The following SMCHD1 variants were observed in gnomAD, a reference collection of about 807,000 sequenced individuals.
SMCHD1 encodes structural maintenance of chromosomes flexible hinge domain-containing protein 1.
In SMCHD1, 78 loss-of-function variants were observed where a neutral mutation model predicts 254.7. That is an observed-to-expected ratio of 0.31 (90% CI 0.26 to 0.37). The LOEUF is 0.37. SMCHD1 is among the 10% of genes least tolerant of loss of function. The pLI is 1.00. For missense variants in SMCHD1, 1,840 were observed against 2,408.1 expected (o/e 0.76, Z 4.94); for synonymous variants, 766 against 794.9 (o/e 0.96, Z 0.61).
chr18:2,726,423 G>A (rs1478623714), intron 21 of SMCHD1, 29 bp from the exon 22 acceptor site: 19 of 1,294,648 alleles, frequency 1.5e-5, no homozygotes, highest in Non-Finnish European at 2.0e-5. Context: ...TCAGGACTGG[G>A]TTTAATTTTT....
At chr18:2,695,773 G>T (rs2074273754) in intron 8 of SMCHD1, among the ~76,000 whole-genome samples, 1 of 152,058 alleles carries the variant, frequency 6.6e-6, no homozygotes, top group East Asian at 1.9e-4. Context: ...TATTGTTCTT[G>T]AGAGTCTCAA....
intron 1 of SMCHD1, 143 bp downstream of exon 1, chr18:2,656,404 C>G (rs543052183): frequency 2.6e-5 from 21 of 804,672 alleles, no homozygotes; most frequent in Non-Finnish European, 3.4e-5. Flanking sequence ...CGTGTGCCCG[C>G]CATGTCCGTG....
chr18:2,687,931 C>T (rs772207381), intron 5 of SMCHD1, among the ~76,000 whole-genome samples: 3 of 152,124 alleles, frequency 2.0e-5, no homozygotes, highest in Non-Finnish European at 4.4e-5. Flanking sequence ...ACCAGTGATG[C>T]CTCTTCTTCA....
chr18:2,791,507 A>G (rs898781981), intron 45 of SMCHD1, among the ~76,000 whole-genome samples: 22 of 152,178 alleles, frequency 1.4e-4, no homozygotes, highest in Non-Finnish European at 5.9e-5. Context: ...TTGAGCTACT[A>G]CTGCATTCCA....
chr18:2,781,063 T>C (rs565122481), intron 44 of SMCHD1, among the ~76,000 whole-genome samples: 2 of 152,314 alleles, frequency 1.3e-5, no homozygotes, highest in Admixed American at 1.3e-4. Context: ...ACTTAAGCAT[T>C]GATTTTTCAC....
chr18:2,721,603 T>C (rs1038310540), intron 19 of SMCHD1, among the ~76,000 whole-genome samples: 6 of 152,200 alleles, frequency 3.9e-5, no homozygotes, highest in African/African-American at 1.4e-4. Context: ...AGAATCTCTT[T>C]AGGGTGATAC....
At chr18:2,787,925 A>T (rs1332445333) in intron 45 of SMCHD1, among the ~76,000 whole-genome samples, 1 of 152,260 alleles carries the variant, frequency 6.6e-6, no homozygotes, top group African/African-American at 2.4e-5. Flanking sequence ...AGACAAAGTC[A>T]AAGATAACTC....
At chr18:2,792,199 G>C (rs1307686553) in intron 45 of SMCHD1, among the ~76,000 whole-genome samples, 1 of 152,164 alleles carries the variant, frequency 6.6e-6, no homozygotes, top group Non-Finnish European at 1.5e-5. Flanking sequence ...GTCAAAAACA[G>C]ATTGTATGTA....
intron 3 of SMCHD1, among the ~76,000 whole-genome samples, chr18:2,672,276 G>A (rs918510729): frequency 2.6e-5 from 4 of 152,094 alleles, no homozygotes; most frequent in Admixed American, 1.3e-4. Flanking sequence ...GCCCAGGCTG[G>A]AGTGCAGTGG....
intron 25 of SMCHD1, among the ~76,000 whole-genome samples, chr18:2,735,521 G>A (rs962795671): frequency 7.2e-5 from 11 of 152,236 alleles, no homozygotes; most frequent in Admixed American, 6.5e-4. Flanking sequence ...TCTATACCTA[G>A]AAAACACTAA....
chr18:2,726,706 T>C lies in SMCHD1; in HGVS notation c.2773+182T>C, dbSNP rs555659286. On this transcript the variant is annotated intron_variant, in intron 22 of 47. Coordinates refer to ENST00000320876, the MANE Select transcript of SMCHD1 (RefSeq NM_015295.3). ...TTAAAAAGGAAAACATTTAGGAAGA[T>C]GTTATTGACATTCTGAATATAACCT... 1.2e-3 allele frequency: 356 copies of C among 304,594 alleles called. 1 individual carries two copies. Among genetic ancestry groups the C allele is most frequent in the African/African-American group, 7.1e-3 (323 of 45,394 alleles). The allele number at this position is 304,594 out of a possible 1,614,324, so 18.9% of individuals were successfully genotyped here.
intron 29 of SMCHD1, among the ~76,000 whole-genome samples, chr18:2,745,187 T>TTATTTTAAAAAATTAAAAAAAA (rs1245175690): frequency 1.4e-3 from 131 of 94,258 alleles, no homozygotes; most frequent in African/African-American, 4.4e-3. Context: ...GAAACAAGTT[T>TTATTTTAAAAAATTAAAAAAAA]TATTTATTTT....
At chr18:2,760,781 T>G in intron 35 of SMCHD1, 42 bp downstream of exon 35, 1 of 1,178,154 alleles carries the variant, frequency 8.5e-7, no homozygotes, top group East Asian at 2.4e-5. Context: ...GCTTTACATT[T>G]TCTTTTTTTT....
At chr18:2,722,153 C>T (rs666490) in intron 19 of SMCHD1, among the ~76,000 whole-genome samples, 147,185 of 152,282 alleles carry the variant, frequency 0.97, 71,197 homozygotes, top group East Asian at 1. Context: ...GCCTTTAAAG[C>T]TCTTTCCTAT....
At chr18:2,675,657 T>A (rs1477800612) in intron 5 of SMCHD1, among the ~76,000 whole-genome samples, 3 of 152,156 alleles carry the variant, frequency 2.0e-5, no homozygotes, top group Non-Finnish European at 4.4e-5. Context: ...AAGACCACTG[T>A]CTTTGATAGT....
chr18:2,769,890 C>A (rs1433606198), intron 38 of SMCHD1, 70 bp downstream of exon 38: 7 of 1,545,636 alleles, frequency 4.5e-6, no homozygotes, highest in Non-Finnish European at 6.1e-6. Flanking sequence ...GTTTTGCTTT[C>A]CATTAACTTG....
chr18:2,705,875 C>A, intron 14 of SMCHD1, 68 bp downstream of exon 14: 1 of 934,620 alleles, frequency 1.1e-6, no homozygotes, highest in Non-Finnish European at 1.6e-6. Context: ...TGTTAAGATA[C>A]AGTATATTTC....
intron 34 of SMCHD1, among the ~76,000 whole-genome samples, chr18:2,758,099 A>T (rs2075717137): frequency 6.6e-6 from 1 of 152,114 alleles, no homozygotes; most frequent in Non-Finnish European, 1.5e-5. Context: ...TCTTTTGTAA[A>T]TGGCATTATC....
intron 24 of SMCHD1, among the ~76,000 whole-genome samples, chr18:2,730,234 G>A (rs897022990): frequency 1.3e-5 from 2 of 152,108 alleles, no homozygotes; most frequent in South Asian, 2.1e-4. Context: ...ACAGTGGCAC[G>A]ATCTCAGCTC....
Sources: allele counts gnomAD v4.1 joint callset (sites outside exome capture counted in the v4.1 genomes callset), GRCh38; gene constraint gnomAD v4.1.1; transcripts MANE v1.5; gene names NCBI Gene and HGNC (gene_info 2026-07-23, HGNC 2026-07-21).